Variants in ZNF469 observed in about 807,000 individuals in gnomAD.
ZNF469 encodes zinc finger protein 469.
ZNF469 carries 1 observed loss-of-function variant against 1.0 expected under a neutral mutation model. The ratio of observed to expected loss-of-function variants is 1.00; its 90% CI spans 0.35 to 4.73. The LOEUF (loss-of-function observed/expected upper bound fraction) is 4.73. Among genes scored for constraint, ZNF469 ranks in the 30% most tolerant of loss-of-function variants. The pLI is 0.16. For missense variants in ZNF469, 6,100 were observed against 5,356.3 expected (o/e 1.14, Z -4.33); for synonymous variants, 2,703 against 2,363.4 (o/e 1.14, Z -4.17).
chr16:88,221,450 G>A, the ZNF469 span, among the ~76,000 whole-genome samples: 3 of 152,256 alleles, frequency 2.0e-5, no homozygotes, highest in African/African-American at 2.4e-5. Context: ...CGAGGAGGTT[G>A]TGGGGCCAGG....
At position 88,437,513 on chromosome 16, in the gene ZNF469, A is replaced by G. The variant is rs1286521034; in HGVS notation, c.10043A>G (p.Lys3348Arg). 1.9e-6 allele frequency: 3 copies of G among 1,542,376 alleles called. No homozygotes were observed. The highest frequency in any genetic ancestry group is 2.4e-5 in the South Asian group (2 of 83,782). Residue 3348 changes from lysine to arginine, a missense_variant, in exon 3 of 3, where the codon AAG becomes AGG. Lys to Arg is a conservative substitution (Grantham distance 26). Transcript: ENST00000565624. ...CACCACTGCGGGAAGCGCTTCCCCA[A>G]GCCCTTCAAGCTGCAGCGCCACCTG... Reference protein sequence around the residue: ...DCHHCGKRFPKPFKLQRHLAV... With the variant: ...DCHHCGKRFPRPFKLQRHLAV...
chr16:88,183,190 C>G, the ZNF469 span, among the ~76,000 whole-genome samples: 4 of 152,176 alleles, frequency 2.6e-5, no homozygotes, highest in Admixed American at 2.6e-4. Context: ...ATGAAAATGC[C>G]GCGCGCCTGG....
the ZNF469 span, among the ~76,000 whole-genome samples, chr16:88,345,651 G>A: frequency 6.6e-6 from 1 of 152,148 alleles, no homozygotes; most frequent in Non-Finnish European, 1.5e-5. Flanking sequence ...TTTCACACAA[G>A]CCCAGAGGGA....
chr16:88,256,895 C>CTTTCTCTCTCTCTCTCT, the ZNF469 span, among the ~76,000 whole-genome samples: 1 of 51,430 alleles, frequency 1.9e-5, no homozygotes, highest in African/African-American at 6.9e-5. Flanking sequence ...CTTTTCTTTC[C>CTTTCTCTCTCTCTCTCT]TTCTTTCTTT....
chr16:88,193,273 A>G, the ZNF469 span, among the ~76,000 whole-genome samples: 44 of 93,732 alleles, frequency 4.7e-4, no homozygotes, highest in South Asian at 9.0e-4. Flanking sequence ...GGTAGTGGTG[A>G]TGGTGGTGGT....
At chr16:88,152,000 T>TC in the ZNF469 span, among the ~76,000 whole-genome samples, 1 of 152,128 alleles carries the variant, frequency 6.6e-6, no homozygotes, top group Non-Finnish European at 1.5e-5. This position sits in a 1 kb window ranked among gnomAD's most constrained non-coding sequence, Gnocchi z 5.4. Flanking sequence ...CAGTAGATAC[T>TC]CCCTTCTTAC....
chr16:88,189,421 C>G, the ZNF469 span, among the ~76,000 whole-genome samples: 2 of 152,194 alleles, frequency 1.3e-5, no homozygotes, highest in Non-Finnish European at 2.9e-5. This position sits in a 1 kb window ranked among gnomAD's most constrained non-coding sequence, Gnocchi z 4.3. Flanking sequence ...CTCTCTCTGA[C>G]TGGAGTTGGG....
the ZNF469 span, among the ~76,000 whole-genome samples, chr16:88,359,307 C>CG: frequency 6.6e-6 from 1 of 150,464 alleles, no homozygotes; most frequent in Admixed American, 6.6e-5. Flanking sequence ...CCCGGGGGCT[C>CG]GGTATCCTGC....
chr16:88,199,129 G>C, the ZNF469 span, among the ~76,000 whole-genome samples: 9 of 152,278 alleles, frequency 5.9e-5, no homozygotes, highest in African/African-American at 2.2e-4. Context: ...CCGCAGCTGA[G>C]GGCCCTGCTG....
In ZNF469 at chr16:88,432,235, G is replaced by A. The variant is rs1350358359; in HGVS notation, c.4765G>A (p.Ala1589Thr). 2.6e-6 allele frequency: 4 copies of A among 1,549,238 alleles called. No homozygotes were observed. The African/African-American group carries it at 4.1e-5, about 16-fold the overall frequency. ...KDTRGAPREL[A>T]EAESVGRVEL... ...CACACGTGGGGCCCCGAGAGAGCTT[G>A]CAGAAGCTGAGTCGGTGGGCAGGGT... is the stretch of plus-strand genomic sequence containing the variant. The change falls in exon 3 of 3, where the codon GCA becomes ACA. Residue 1589 changes from alanine (A) to threonine (T), a missense_variant. By Grantham distance (58) the Ala-to-Thr change is moderately conservative. Coordinates refer to ENST00000565624, the MANE Select transcript of ZNF469 (RefSeq NM_001367624.2).
the ZNF469 span, among the ~76,000 whole-genome samples, chr16:88,320,675 T>C: frequency 1.3e-5 from 2 of 152,234 alleles, no homozygotes; most frequent in Non-Finnish European, 1.5e-5. Flanking sequence ...TGAGCCACCA[T>C]GCCCAGCCTG....
the ZNF469 span, among the ~76,000 whole-genome samples, chr16:88,285,729 C>T: frequency 2.0e-5 from 3 of 152,248 alleles, no homozygotes; most frequent in Non-Finnish European, 4.4e-5. Context: ...TGTCCCTGGG[C>T]CCTCTCTGAG....
the ZNF469 span, among the ~76,000 whole-genome samples, chr16:88,292,153 AG>A: frequency 6.6e-6 from 1 of 152,144 alleles, no homozygotes; most frequent in South Asian, 2.1e-4. Context: ...CCAGAGGCAG[AG>A]GGGGAGCCAG....
chr16:88,346,289 C>T, the ZNF469 span, among the ~76,000 whole-genome samples: 1 of 152,202 alleles, frequency 6.6e-6, no homozygotes, highest in Non-Finnish European at 1.5e-5. Context: ...GGGAGAACCT[C>T]TGCTGACCAC....
the ZNF469 span, among the ~76,000 whole-genome samples, chr16:88,323,224 C>T: frequency 1.8e-4 from 27 of 152,242 alleles, no homozygotes; most frequent in Admixed American, 7.2e-4. Flanking sequence ...TGCAGAGCTC[C>T]GAGGAGGGGC....
At chr16:88,192,908 T>C in the ZNF469 span, among the ~76,000 whole-genome samples, 2 of 149,922 alleles carry the variant, frequency 1.3e-5, no homozygotes, top group African/African-American at 4.9e-5. Flanking sequence ...GTGGTGATGA[T>C]GGAGGTGATG....
At chr16:88,229,861 C>T in the ZNF469 span, among the ~76,000 whole-genome samples, 1 of 152,248 alleles carries the variant, frequency 6.6e-6, no homozygotes, top group East Asian at 1.9e-4. Context: ...ACAGCAGGGA[C>T]CCCCCAGCAG....
Position 88,427,915 on chromosome 16 carries a change from G to A in ZNF469, c.445G>A (p.Glu149Lys), listed in dbSNP as rs1160769994. 1.3e-6 allele frequency: 2 copies of A among 1,549,800 alleles called. No individual in the cohort carries two copies. Among genetic ancestry groups the A allele is most frequent in the South Asian group, 1.2e-5 (1 of 84,060 alleles). ...NPQLEAAQLPEVDTPQGPGTG... is the reference protein window; with the variant it reads ...NPQLEAAQLPKVDTPQGPGTG... ...ACAGCTGGAGGCTGCCCAGCTCCCT[G>A]AGGTGGACACCCCCCAGGGCCCTGG... The change falls in exon 3 of 3, where the codon GAG becomes AAG. Residue 149 changes from glutamate to lysine, a missense_variant. Coordinates refer to ENST00000565624, the MANE Select transcript of ZNF469 (RefSeq NM_001367624.2).
the ZNF469 span, among the ~76,000 whole-genome samples, chr16:88,122,779 G>GTGTATATATATGTGTATATATA: frequency 7.5e-6 from 1 of 134,022 alleles, no homozygotes; most frequent in Non-Finnish European, 1.6e-5. Flanking sequence ...TTAGCTCTGT[G>GTGTATATATATGTGTATATATA]TGTATATATA....
Sources: gnomAD v4.1 joint callset for allele counts (sites outside exome capture counted in the v4.1 genomes callset) on GRCh38, gnomAD v4.1.1 for gene constraint, Gnocchi (gnomAD v3.1) non-coding constraint, MANE v1.5 for transcripts, NCBI Gene and HGNC (gene_info 2026-07-23, HGNC 2026-07-21) for gene names.